Variants in GPC6 observed in about 807,000 individuals in gnomAD.
The protein encoded by GPC6 is glypican-6.
In GPC6, 14 loss-of-function variants were observed where a neutral mutation model predicts 55.2. That is an observed-to-expected ratio of 0.25 (90% CI 0.17 to 0.40). GPC6 has a LOEUF of 0.40. GPC6 is among the 10% of genes least tolerant of loss of function. The pLI, the probability that GPC6 is intolerant of heterozygous loss-of-function variation, is 1.00. For missense variants in GPC6, 641 were observed against 708.5 expected, an observed-to-expected ratio of 0.90 and a Z score of 1.08; for synonymous variants, 278 against 259.6, an observed-to-expected ratio of 1.07 and a Z score of -0.68.
chr13:94,351,203 C>A (rs528131197), intron 6 of GPC6, among the ~76,000 whole-genome samples: 1 of 151,910 alleles, frequency 6.6e-6, no homozygotes, highest in African/African-American at 2.4e-5. Flanking sequence ...GAAGGAACCT[C>A]GTAAAAATAA....
intron 2 of GPC6, among the ~76,000 whole-genome samples, chr13:93,592,986 T>C (rs761672357): frequency 6.6e-6 from 1 of 152,104 alleles, no homozygotes; most frequent in Non-Finnish European, 1.5e-5. Context: ...AAAATCATTT[T>C]ATTTATTTAA....
chr13:93,595,296 A>G (rs1877675020), intron 2 of GPC6, among the ~76,000 whole-genome samples: 1 of 152,210 alleles, frequency 6.6e-6, no homozygotes, highest in Admixed American at 6.5e-5. Context: ...AAAAATGCTT[A>G]TATGCCCAAT....
chr13:93,994,792 G>A (rs568375449), intron 3 of GPC6, among the ~76,000 whole-genome samples: 5 of 152,152 alleles, frequency 3.3e-5, no homozygotes, highest in Non-Finnish European at 5.9e-5. Context: ...ACAATATCCA[G>A]TACGATTTTT....
At chr13:93,575,688 C>G (rs1386758230) in intron 2 of GPC6, among the ~76,000 whole-genome samples, 2 of 152,154 alleles carry the variant, frequency 1.3e-5, no homozygotes, top group African/African-American at 2.4e-5. Context: ...AGCTTCTAGT[C>G]CAAGTACATC....
At chr13:94,245,366 C>G (rs1000664988) in intron 4 of GPC6, among the ~76,000 whole-genome samples, 3 of 151,324 alleles carry the variant, frequency 2.0e-5, no homozygotes, top group African/African-American at 7.3e-5. Context: ...TGAGACCAAA[C>G]TGGGTAACAT....
intron 1 of GPC6, among the ~76,000 whole-genome samples, chr13:93,289,427 A>G (rs1878245785): frequency 6.6e-6 from 1 of 152,210 alleles, no homozygotes; most frequent in Admixed American, 6.5e-5. Flanking sequence ...GGTACACTGA[A>G]AGACAATCAA....
chr13:93,831,781 A>G (rs958261362), intron 3 of GPC6, among the ~76,000 whole-genome samples: 2 of 151,932 alleles, frequency 1.3e-5, no homozygotes, highest in Non-Finnish European at 2.9e-5. Flanking sequence ...TAAAGGGCAT[A>G]TGATTCTAAT....
At chr13:94,088,534 G>C (rs1885365361) in intron 4 of GPC6, among the ~76,000 whole-genome samples, 1 of 96,438 alleles carries the variant, frequency 1.0e-5, no homozygotes, top group South Asian at 4.4e-4. Flanking sequence ...ATATTAAAAA[G>C]AAAAAGAGAG....
At chr13:94,251,056 C>A (rs1891332051) in intron 4 of GPC6, among the ~76,000 whole-genome samples, 2 of 151,868 alleles carry the variant, frequency 1.3e-5, no homozygotes, top group Admixed American at 6.6e-5. Context: ...TGGAACCAAC[C>A]CAAATGCCCA....
chr13:93,739,876 A>T (rs1884140795), intron 2 of GPC6, among the ~76,000 whole-genome samples: 1 of 152,222 alleles, frequency 6.6e-6, no homozygotes, highest in Non-Finnish European at 1.5e-5. Context: ...ACAGTAAATC[A>T]AATGAATAAG....
intron 2 of GPC6, among the ~76,000 whole-genome samples, chr13:93,825,620 C>G (rs1445875382): frequency 6.6e-6 from 1 of 152,122 alleles, no homozygotes; most frequent in Non-Finnish European, 1.5e-5. Flanking sequence ...CTCATTAACT[C>G]AGCATTTTCC....
chr13:93,599,803 C>G (rs928641489), intron 2 of GPC6, among the ~76,000 whole-genome samples: 1 of 152,136 alleles, frequency 6.6e-6, no homozygotes, highest in Non-Finnish European at 1.5e-5. Flanking sequence ...TCTAATCACT[C>G]CTGTCCATTT....
intron 3 of GPC6, among the ~76,000 whole-genome samples, chr13:93,997,227 C>T (rs973776502): frequency 6.6e-6 from 1 of 152,100 alleles, no homozygotes; most frequent in Admixed American, 6.6e-5. Context: ...TCTTAAATGC[C>T]ATAGGAGACA....
intron 4 of GPC6, among the ~76,000 whole-genome samples, chr13:94,040,824 T>C (rs548987573): frequency 1.3e-5 from 2 of 151,886 alleles, no homozygotes; most frequent in African/African-American, 4.8e-5. Flanking sequence ...CCATGCAATA[T>C]TAAAAAAATT....
At chr13:94,271,301 A>G (rs1166088719) in intron 4 of GPC6, among the ~76,000 whole-genome samples, 1 of 151,226 alleles carries the variant, frequency 6.6e-6, no homozygotes, top group East Asian at 2.0e-4. Context: ...ACAGAGAAGT[A>G]TAATTTTAAT....
intron 1 of GPC6, among the ~76,000 whole-genome samples, chr13:93,534,579 A>G (rs1881984492): frequency 6.6e-6 from 1 of 152,122 alleles, no homozygotes; most frequent in Non-Finnish European, 1.5e-5. Context: ...TTCAGGCTCA[A>G]GGTCATCCCT....
intron 4 of GPC6, among the ~76,000 whole-genome samples, chr13:94,206,720 G>A (rs1889913298): frequency 6.6e-6 from 1 of 152,048 alleles, no homozygotes; most frequent in Admixed American, 6.6e-5. Context: ...TGGGTGTAGT[G>A]GAATGCACCT....
chr13:93,246,492 T>A (rs2139022179), intron 1 of GPC6, among the ~76,000 whole-genome samples: 1 of 152,138 alleles, frequency 6.6e-6, no homozygotes, highest in African/African-American at 2.4e-5. Context: ...TTCTAAAAAA[T>A]AATAATAATA....
chr13:94,008,682 G>A (rs1024378782), intron 3 of GPC6, among the ~76,000 whole-genome samples: 1 of 152,062 alleles, frequency 6.6e-6, no homozygotes, highest in African/African-American at 2.4e-5. Context: ...TAGTTGGAAA[G>A]GATGCATTTG....
Sources: gnomAD v4.1 joint callset for allele counts (sites outside exome capture counted in the v4.1 genomes callset) on GRCh38, gnomAD v4.1.1 for gene constraint, MANE v1.5 for transcripts, NCBI Gene and HGNC (gene_info 2026-07-23, HGNC 2026-07-21) for gene names.